MFSD11: variants seen among roughly 807,000 people sequenced by gnomAD.
MFSD11 encodes the protein major facilitator superfamily domain containing 11.
MFSD11 carries 36 observed loss-of-function variants against 53.5 expected under a neutral mutation model. That is an observed-to-expected ratio of 0.67 (90% CI 0.52 to 0.89). The LOEUF (loss-of-function observed/expected upper bound fraction) is 0.89. Among genes scored for constraint, MFSD11 ranks in the 40% least tolerant of loss-of-function variants. MFSD11 has a pLI of 0.00. For missense variants in MFSD11, 530 were observed against 543.9 expected, an observed-to-expected ratio of 0.97 and a Z score of 0.25; for synonymous variants, 186 against 184.9, an observed-to-expected ratio of 1.01 and a Z score of -0.05.
At chr17:76,739,894 C>T (rs1023985485) in intron 2 of MFSD11, among the ~76,000 whole-genome samples, 1 of 151,926 alleles carries the variant, frequency 6.6e-6, no homozygotes, top group African/African-American at 2.4e-5. Flanking sequence ...CGGCCGGGTG[C>T]GGGGGCTCAC....
chr17:76,738,572 C>T (rs146318237), intron 1 of MFSD11, 124 bp downstream of exon 1: 13,817 of 698,492 alleles, frequency 0.02, 227 homozygotes, highest in South Asian at 0.043. Context: ...CCCACCCAGA[C>T]TTCCTCATTT....
chr17:76,762,886 T>A (rs1293464054), intron 8 of MFSD11, among the ~76,000 whole-genome samples: 2 of 151,460 alleles, frequency 1.3e-5, no homozygotes, highest in Admixed American at 6.6e-5. Flanking sequence ...TTTTTTTTTT[T>A]AAACTCCCCA....
intron 10 of MFSD11, among the ~76,000 whole-genome samples, chr17:76,772,598 A>G (rs920114063): frequency 1.3e-5 from 2 of 149,090 alleles, no homozygotes; most frequent in Admixed American, 6.7e-5. Flanking sequence ...GCTCACTGCA[A>G]CCTTCGCTGC....
chr17:76,737,294 G>A (rs150381051), upstream of MFSD11: 2,435 of 1,265,888 alleles, frequency 1.9e-3, 8 homozygotes, highest in South Asian at 0.015. Context: ...AGAACAGCAC[G>A]GACGGGCTCC....
upstream of MFSD11, chr17:76,737,623 G>A (rs1042239066): frequency 9.5e-6 from 2 of 209,626 alleles, no homozygotes; most frequent in Non-Finnish European, 1.9e-5. Context: ...GGAAGAGGAG[G>A]TGCTCCCCAT....
the MFSD11 span, among the ~76,000 whole-genome samples, chr17:76,793,250 A>G: frequency 6.6e-6 from 1 of 151,306 alleles, no homozygotes; most frequent in Admixed American, 6.6e-5. Context: ...GGCTTATTTC[A>G]TCCCTACAGT....
intron 7 of MFSD11, 102 bp downstream of exon 7, chr17:76,744,568 T>A: frequency 1.0e-6 from 1 of 973,872 alleles, no homozygotes; most frequent in African/African-American, 1.7e-5. Context: ...TCCAGTACTC[T>A]CTGTAGGTTA....
chr17:76,781,680 C>G (rs1215610722), downstream of MFSD11, among the ~76,000 whole-genome samples: 1 of 152,140 alleles, frequency 6.6e-6, no homozygotes, highest in African/African-American at 2.4e-5. Flanking sequence ...GCCATGGCAT[C>G]TTGTCACCCC....
the MFSD11 span, among the ~76,000 whole-genome samples, chr17:76,792,462 G>A: frequency 1.2e-4 from 17 of 147,722 alleles, no homozygotes; most frequent in African/African-American, 2.5e-4. Context: ...TTTTTTTTCC[G>A]GGCTCTCTTT....
rs1237707212 is a variant in MFSD11, at chr17:76,776,383, A to T, written c.1050-23A>T. On this transcript the variant is annotated intron_variant, in intron 11 of 12. Coordinates refer to ENST00000685175, the MANE Select transcript of MFSD11 (RefSeq NM_001242532.5). The surrounding 1 kb of genome is among the most constrained non-coding windows in gnomAD (Gnocchi z 4.2). ...GGCTCTAGCAGATATTGCTCATACT[A>T]AATTGATTTTTATTTTCTTCAGCAA... The T allele has an allele frequency of 6.2e-7, 1 of 1,610,752 alleles. No individual in the cohort carries two copies. Among genetic ancestry groups the T allele is most frequent in the South Asian group, 1.1e-5 (1 of 90,544 alleles).
At chr17:76,787,599 T>A in the MFSD11 span, among the ~76,000 whole-genome samples, 1 of 150,226 alleles carries the variant, frequency 6.7e-6, no homozygotes, top group Non-Finnish European at 1.5e-5. Flanking sequence ...TCAAGCTGGA[T>A]CAAATTCCAG....
intron 9 of MFSD11, chr17:76,769,438 G>T: frequency 4.8e-6 from 1 of 209,862 alleles, no homozygotes; most frequent in Non-Finnish European, 9.4e-6. Context: ...TAATCACATC[G>T]AGAGGGCTCC....
At chr17:76,781,305 C>G (rs1489464115), downstream of MFSD11, 2 of 152,214 alleles carry the variant, frequency 1.3e-5, no homozygotes, top group Non-Finnish European at 2.9e-5. Context: ...CTCAGGGCAG[C>G]CTACGACATG....
the MFSD11 span, among the ~76,000 whole-genome samples, chr17:76,791,146 A>G: frequency 1.3e-5 from 2 of 148,414 alleles, no homozygotes; most frequent in Admixed American, 6.7e-5. Context: ...GCTATGATTT[A>G]CTGGTTTTCT....
chr17:76,795,110 CT>C, the MFSD11 span, among the ~76,000 whole-genome samples: 14 of 151,968 alleles, frequency 9.2e-5, no homozygotes, highest in Non-Finnish European at 1.6e-4. Context: ...CATGTGCAGA[CT>C]TTTTTTCTTA....
rs79642434 is a variant in MFSD11 at position 76,760,439 on chromosome 17, C to T, written c.682+6352C>T. On this transcript the variant is annotated intron_variant, in intron 8 of 12. Coordinates refer to ENST00000685175, the MANE Select transcript of MFSD11 (RefSeq NM_001242532.5). ...TGGTTGGCAGAGGCAGAAGAAAGTCCGCACAGAAGTGGACCCCTGAAGTTC... is the reference window on the plus strand; with the variant it reads ...TGGTTGGCAGAGGCAGAAGAAAGTCTGCACAGAAGTGGACCCCTGAAGTTC... Among the ~76,000 whole-genome samples, 125 of 151,986 alleles carry T rather than the reference C, an allele frequency of 8.2e-4. No homozygotes were observed. In the South Asian group the frequency reaches 0.013, roughly 16 times the overall value.
chr17:76,795,018 A>G, the MFSD11 span, among the ~76,000 whole-genome samples: 1 of 152,114 alleles, frequency 6.6e-6, no homozygotes, highest in African/African-American at 2.4e-5. Flanking sequence ...AACCACAGTC[A>G]GTCCTCCATA....
intron 7 of MFSD11, among the ~76,000 whole-genome samples, chr17:76,745,898 GCT>G (rs2078500318): frequency 6.6e-6 from 1 of 152,002 alleles, no homozygotes; most frequent in Non-Finnish European, 1.5e-5. Context: ...CATGATCTCG[GCT>G]CACTGCAGCC....
chr17:76,801,364 CAAAAAAAA>C, the MFSD11 span, among the ~76,000 whole-genome samples: 2 of 72,240 alleles, frequency 2.8e-5, no homozygotes, highest in East Asian at 4.7e-4. Flanking sequence ...GGCTCTGTCT[CAAAAAAAA>C]AAAAAAAAAA....
Sources: allele counts gnomAD v4.1 joint callset (sites outside exome capture counted in the v4.1 genomes callset), GRCh38; gene constraint gnomAD v4.1.1; non-coding constraint Gnocchi (gnomAD v3.1); transcripts MANE v1.5; gene names NCBI Gene and HGNC (gene_info 2026-07-23, HGNC 2026-07-21).